The following RNF38 variants were observed in gnomAD, a reference collection of about 807,000 sequenced individuals.
RNF38 encodes the protein E3 ubiquitin-protein ligase RNF38.
Under a neutral mutation model 67.2 loss-of-function variants are expected in RNF38, and 15 were observed. The ratio of observed to expected loss-of-function variants is 0.22; its 90% CI spans 0.15 to 0.34. RNF38 has a LOEUF of 0.34. RNF38 is among the 10% of genes least tolerant of loss of function. RNF38 has a pLI of 1.00. For synonymous variants in RNF38, 220 were observed against 218.8 expected, an observed-to-expected ratio of 1.01 and a Z score of -0.05; for missense variants, 524 against 639.9, an observed-to-expected ratio of 0.82 and a Z score of 1.95.
chr9:36,373,089 C>A (rs1429643142), intron 3 of RNF38, among the ~76,000 whole-genome samples: 1 of 152,070 alleles, frequency 6.6e-6, no homozygotes, highest in Non-Finnish European at 1.5e-5. Context: ...CACCTGTAAT[C>A]CCAGCTACTT....
chr9:36,486,824 G>A (rs1015732485), intron 1 of RNF38, among the ~76,000 whole-genome samples: 2 of 152,052 alleles, frequency 1.3e-5, no homozygotes, highest in Admixed American at 1.3e-4. Flanking sequence ...TCCCAAACCA[G>A]CCCAAAAAGG....
intron 1 of RNF38, among the ~76,000 whole-genome samples, chr9:36,463,348 T>C (rs1449799460): frequency 6.6e-6 from 1 of 152,178 alleles, no homozygotes; most frequent in East Asian, 1.9e-4. Flanking sequence ...ACTTTCAGTT[T>C]GATACAAGCC....
chr9:36,381,029 G>A lies in RNF38; in HGVS notation c.163-4902C>T, dbSNP rs796763456. ...ATTCCAGTGGAAAAGAGAAGGAAAC[G>A]TCAATAAGGAAATGTCTGCTCTGTG... On this transcript the variant is annotated intron_variant, in intron 2 of 11. Coordinates refer to ENST00000259605, the MANE Select transcript of RNF38 (RefSeq NM_022781.5). 6.6e-5 allele frequency among the ~76,000 whole-genome samples: 10 copies of A among 152,264 alleles called. 1 individual carries two copies. The highest frequency in any genetic ancestry group is 1.9e-4 in the African/African-American group (8 of 41,544).
Position 36,369,709 on chromosome 9 carries a change from GT to G in RNF38, c.570+9del. On this transcript the variant is annotated intron_variant, in intron 4 of 11. Coordinates refer to ENST00000259605, the MANE Select transcript of RNF38 (RefSeq NM_022781.5). Reference sequence around the variant, plus strand: ...AGCTTCTGTATTTCCAAGACATTCTGTTATTGTACCTGATCATGTATGTCAA... The same window carrying G: ...AGCTTCTGTATTTCCAAGACATTCTGTATTGTACCTGATCATGTATGTCAA... The G allele has an allele frequency of 6.4e-7, 1 of 1,574,750 alleles. No individual in the cohort carries two copies.
At chr9:36,357,367 T>G (rs1214096417) in intron 5 of RNF38, among the ~76,000 whole-genome samples, 1 of 152,202 alleles carries the variant, frequency 6.6e-6, no homozygotes, top group South Asian at 2.1e-4. Context: ...AAAGTGCCCA[T>G]TAAAACTCAG....
chr9:36,367,894 C>T (rs374280354), intron 4 of RNF38, among the ~76,000 whole-genome samples: 3 of 152,344 alleles, frequency 2.0e-5, no homozygotes, highest in East Asian at 3.9e-4. Flanking sequence ...CTCTGTTGCC[C>T]AGGCTGGAGT....
intron 1 of RNF38, among the ~76,000 whole-genome samples, chr9:36,431,181 C>T (rs1838924881): frequency 6.6e-6 from 1 of 152,178 alleles, no homozygotes; most frequent in Non-Finnish European, 1.5e-5. Flanking sequence ...AAGGAAACAT[C>T]TATAATCATG....
chr9:36,414,287 C>A (rs866938195), intron 2 of RNF38, among the ~76,000 whole-genome samples: 27 of 152,216 alleles, frequency 1.8e-4, no homozygotes, highest in Non-Finnish European at 3.5e-4. Flanking sequence ...ATCGTTCTCG[C>A]TGCTGCCTGA....
chr9:36,433,625 T>C (rs1281909101), intron 1 of RNF38, among the ~76,000 whole-genome samples: 2 of 148,830 alleles, frequency 1.3e-5, no homozygotes, highest in Non-Finnish European at 3.0e-5. Context: ...AGGCGGAAGT[T>C]GTAGTAAGCT....
In RNF38 at chr9:36,369,946, C is replaced by A; in HGVS notation, c.357-14G>T. 2 of 1,603,316 alleles carry A rather than the reference C, an allele frequency of 1.2e-6. No individual in the cohort carries two copies. Among genetic ancestry groups the A allele is most frequent in the Middle Eastern group, 2.2e-4 (1 of 4,620 alleles). On this transcript the variant is annotated splice_polypyrimidine_tract_variant and intron_variant, in intron 3 of 11. Coordinates refer to ENST00000259605, the MANE Select transcript of RNF38 (RefSeq NM_022781.5). The stretch of plus-strand genomic sequence containing the variant: ...CTGACAGGAGGACTGTGATAAATAT[C>A]AAAAAGAAAGTCATTATGCTTATTG...
chr9:36,423,390 T>C (rs1838676783), intron 2 of RNF38, among the ~76,000 whole-genome samples: 1 of 152,148 alleles, frequency 6.6e-6, no homozygotes, highest in Non-Finnish European at 1.5e-5. Context: ...ACCAACTTCT[T>C]GATCCAGCTC....
chr9:36,400,634 CAG>C (rs1197279185), upstream of RNF38: 18 of 985,634 alleles, frequency 1.8e-5, no homozygotes, highest in Non-Finnish European at 1.9e-5. Context: ...ACTGCTCGCC[CAG>C]CCCGCGGCCA....
intron 1 of RNF38, among the ~76,000 whole-genome samples, chr9:36,470,947 C>T (rs1295140528): frequency 6.6e-6 from 1 of 152,208 alleles, no homozygotes; most frequent in African/African-American, 2.4e-5. Context: ...TTTTCCTCCA[C>T]TGAGACTTCT....
chr9:36,347,840 G>A (rs1833392013), intron 9 of RNF38, among the ~76,000 whole-genome samples: 1 of 151,272 alleles, frequency 6.6e-6, no homozygotes, highest in South Asian at 2.1e-4. Context: ...CACTTTGGGA[G>A]GCTGAGCGGG....
At chr9:36,437,015 A>T (rs1839085776) in intron 1 of RNF38, among the ~76,000 whole-genome samples, 1 of 152,142 alleles carries the variant, frequency 6.6e-6, no homozygotes, top group Non-Finnish European at 1.5e-5. Context: ...TTTCCCTCTT[A>T]GCTATTCCTA....
In RNF38 at chr9:36,352,860, A is replaced by C; in HGVS notation, c.1072-12T>G. 2 of 1,568,598 alleles carry C rather than the reference A, an allele frequency of 1.3e-6. No individual in the cohort carries two copies. Among genetic ancestry groups the C allele is most frequent in the Non-Finnish European group, 1.8e-6 (2 of 1,138,862 alleles). On this transcript the variant is annotated splice_polypyrimidine_tract_variant and intron_variant, in intron 7 of 11. Coordinates refer to ENST00000259605, the MANE Select transcript of RNF38 (RefSeq NM_022781.5). ...AATGGAGGATAAGGCTGCAAGGGGA[A>C]AAATGTTAAGATTTAGAATCACTCT...
At chr9:36,464,327 A>G (rs1587187386) in intron 1 of RNF38, among the ~76,000 whole-genome samples, 1 of 150,684 alleles carries the variant, frequency 6.6e-6, no homozygotes, top group African/African-American at 2.4e-5. Context: ...CCAGCACTTT[A>G]GGAGGCCAAG....
At chr9:36,350,038 G>C (rs1420514421) in intron 9 of RNF38, among the ~76,000 whole-genome samples, 5 of 151,952 alleles carry the variant, frequency 3.3e-5, no homozygotes, top group African/African-American at 1.2e-4. Context: ...GGCTGGCCTC[G>C]AACTCCTGAC....
At chr9:36,439,218 C>G (rs1176950877) in intron 1 of RNF38, among the ~76,000 whole-genome samples, 8 of 152,208 alleles carry the variant, frequency 5.3e-5, no homozygotes, top group Admixed American at 4.6e-4. Context: ...CAAGCTAATT[C>G]TAACATCACT....
Sources: allele counts gnomAD v4.1 joint callset (sites outside exome capture counted in the v4.1 genomes callset), GRCh38; gene constraint gnomAD v4.1.1; transcripts MANE v1.5; gene names NCBI Gene and HGNC (gene_info 2026-07-23, HGNC 2026-07-21).